MARCHF4: variants seen among roughly 807,000 people sequenced by gnomAD.
MARCHF4 encodes the protein membrane associated ring-CH-type finger 4, also known as E3 ubiquitin-protein ligase MARCHF4.
Under a neutral mutation model 43.9 loss-of-function variants are expected in MARCHF4, and 14 were observed. That is an observed-to-expected ratio of 0.32 (90% CI 0.21 to 0.50). MARCHF4 has a LOEUF of 0.50. Among genes scored for constraint, MARCHF4 ranks in the 20% least tolerant of loss-of-function variants. The pLI, the probability that MARCHF4 is intolerant of heterozygous loss-of-function variation, is 0.98. For synonymous variants in MARCHF4, 226 were observed against 213.3 expected (o/e 1.06, Z -0.52); for missense variants, 468 against 536.7 (o/e 0.87, Z 1.27).
In MARCHF4 at chr2:216,259,436, C is replaced by A. The variant is rs764441555; in HGVS notation, c.1109G>T (p.Gly370Val). ...GPAQAAGHPS[G>V]PLSHHHCAYT... ...AGCACAGTGGTGATGGGACAGAGGGCCTGAGGGGTGGCCGGCAGCCTGGGC... is the reference window on the plus strand; with the variant it reads ...AGCACAGTGGTGATGGGACAGAGGGACTGAGGGGTGGCCGGCAGCCTGGGC... Residue 370 changes from glycine (G) to valine (V), a missense_variant, in exon 4 of 4, where the codon GGC (glycine) becomes GTC (valine). This residue lies in a region of MARCHF4 where 120 missense variants were observed against 127.1 expected (regional missense o/e 0.94). Coordinates refer to ENST00000273067, the MANE Select transcript of MARCHF4 (RefSeq NM_020814.3). 2 of 1,614,044 alleles carry A rather than the reference C, an allele frequency of 1.2e-6. No individual in the cohort carries two copies. The highest frequency in any genetic ancestry group is 1.1e-5 in the South Asian group (1 of 91,058).
At chr2:216,295,250 T>G (rs1162793297) in intron 1 of MARCHF4, among the ~76,000 whole-genome samples, 1 of 151,840 alleles carries the variant, frequency 6.6e-6, no homozygotes, top group African/African-American at 2.4e-5. Context: ...AAGGTGAGGG[T>G]TTTTGTTTTT....
rs369275803 is a variant in MARCHF4 at position 216,369,837 on chromosome 2, C to G, written c.424G>C (p.Glu142Gln). ...AGTGAGTAGCGATCCTCGGTCTTCT[C>G]CTTACAGAAGTCATCTGAGGAGGCA... Reference protein sequence around the residue: ...SSASSDDFCKEKTEDRYSLGS... With the variant: ...SSASSDDFCKQKTEDRYSLGS... Residue 142 changes from glutamate (E) to glutamine (Q), a missense_variant, in exon 1 of 4, where the codon GAG becomes CAG. This residue lies in a region of MARCHF4 where 158 missense variants were observed against 251.1 expected (regional missense o/e 0.63). Coordinates refer to ENST00000273067, the MANE Select transcript of MARCHF4 (RefSeq NM_020814.3). The G allele has an allele frequency of 3.7e-6, 6 of 1,613,988 alleles. No homozygotes were observed. The highest frequency in any genetic ancestry group is 5.1e-6 in the Non-Finnish European group (6 of 1,179,956).
At chr2:216,356,210 A>G (rs1692500463) in intron 1 of MARCHF4, among the ~76,000 whole-genome samples, 1 of 152,202 alleles carries the variant, frequency 6.6e-6, no homozygotes, top group African/African-American at 2.4e-5. Context: ...TGTGCTGATG[A>G]TCCTTAACTC....
At chr2:216,354,915 C>CTTTCTTTCTTTCT (rs1692464801) in intron 1 of MARCHF4, among the ~76,000 whole-genome samples, 3 of 98,550 alleles carry the variant, frequency 3.0e-5, no homozygotes, top group Non-Finnish European at 6.1e-5. Context: ...TTCTTTCTTT[C>CTTTCTTTCTTTCT]TTTCTTTCTT....
At chr2:216,330,147 T>C (rs989355293) in intron 1 of MARCHF4, among the ~76,000 whole-genome samples, 2 of 151,948 alleles carry the variant, frequency 1.3e-5, no homozygotes, top group Non-Finnish European at 2.9e-5. Context: ...TGTGTAGCTA[T>C]ACTGATACCA....
intron 1 of MARCHF4, among the ~76,000 whole-genome samples, chr2:216,316,868 G>C (rs1239447136): frequency 1.3e-5 from 2 of 152,180 alleles, no homozygotes; most frequent in East Asian, 3.8e-4. Context: ...GGGATGAGGA[G>C]AGACTAGTCA....
At chr2:216,314,710 G>C (rs1188777617) in intron 1 of MARCHF4, among the ~76,000 whole-genome samples, 1 of 152,072 alleles carries the variant, frequency 6.6e-6, no homozygotes, top group South Asian at 2.1e-4. Context: ...CCTCCTTTAG[G>C]TTATGTAACC....
rs115984756 is a variant in MARCHF4, at chr2:216,271,604, A to G, written c.865+6068T>C. Among the ~76,000 whole-genome samples, 670 of 152,262 alleles carry G rather than the reference A, an allele frequency of 4.4e-3. 7 individuals carry two copies. The highest frequency in any genetic ancestry group is 0.016 in the African/African-American group (651 of 41,540). ...CCAACAAAAGCTACTGAAGGAATGG[A>G]TATGACCCGCTCTGACTCAAGTTCC... On this transcript the variant is annotated intron_variant, in intron 3 of 3. Transcript: ENST00000273067.
At chr2:216,302,833 G>A (rs1024243508) in intron 1 of MARCHF4, among the ~76,000 whole-genome samples, 14 of 148,880 alleles carry the variant, frequency 9.4e-5, no homozygotes, top group African/African-American at 3.3e-4. Context: ...GGGAGGTGGA[G>A]GTTGCAGTGA....
chr2:216,353,406 G>A (rs1227050881), intron 1 of MARCHF4, among the ~76,000 whole-genome samples: 2 of 152,012 alleles, frequency 1.3e-5, no homozygotes, highest in Non-Finnish European at 2.9e-5. Flanking sequence ...GAAAGGGGGT[G>A]AAAAAAGGAA....
intron 2 of MARCHF4, among the ~76,000 whole-genome samples, chr2:216,281,878 A>T (rs768608386): frequency 1.3e-5 from 2 of 152,118 alleles, no homozygotes; most frequent in Non-Finnish European, 1.5e-5. Flanking sequence ...TGCTTACCTG[A>T]CTTGGGAGAT....
intron 1 of MARCHF4, among the ~76,000 whole-genome samples, chr2:216,347,246 G>A (rs1324771420): frequency 6.6e-6 from 1 of 152,124 alleles, no homozygotes; most frequent in African/African-American, 2.4e-5. Flanking sequence ...AAAGAACGGT[G>A]GCATCATTCT....
chr2:216,333,860 T>A (rs984924906), intron 1 of MARCHF4, among the ~76,000 whole-genome samples: 6 of 151,994 alleles, frequency 3.9e-5, no homozygotes, highest in African/African-American at 1.5e-4. Context: ...CACCGTGGCG[T>A]AGAATGTGGG....
At chr2:216,285,242 G>A (rs1281266971) in intron 1 of MARCHF4, among the ~76,000 whole-genome samples, 1 of 152,204 alleles carries the variant, frequency 6.6e-6, no homozygotes, top group Non-Finnish European at 1.5e-5. Context: ...CATCCATTTT[G>A]TTAACTCTGG....
intron 1 of MARCHF4, among the ~76,000 whole-genome samples, chr2:216,299,030 C>G (rs1691441095): frequency 6.6e-6 from 1 of 152,168 alleles, no homozygotes; most frequent in Non-Finnish European, 1.5e-5. Context: ...TGTCCTTTCT[C>G]CTCATTCTCA....
At chr2:216,327,967 AAAAG>A (rs1692022419) in intron 1 of MARCHF4, among the ~76,000 whole-genome samples, 1 of 151,762 alleles carries the variant, frequency 6.6e-6, no homozygotes, top group African/African-American at 2.4e-5. Context: ...CAAAAAAAAA[AAAAG>A]AAAAGAAAAA....
intron 1 of MARCHF4, among the ~76,000 whole-genome samples, chr2:216,332,942 C>G (rs1385537069): frequency 6.6e-6 from 1 of 152,206 alleles, no homozygotes; most frequent in African/African-American, 2.4e-5. Flanking sequence ...TAAATAGTTG[C>G]TGTGTAAATT....
chr2:216,309,555 A>G (rs766942276), intron 1 of MARCHF4, among the ~76,000 whole-genome samples: 2 of 152,206 alleles, frequency 1.3e-5, no homozygotes, highest in Non-Finnish European at 2.9e-5. Context: ...GGACACAGTG[A>G]TTGGTTTAGA....
At chr2:216,283,513 T>C (rs899439793) in intron 2 of MARCHF4, 61 bp downstream of exon 2, 19 of 1,513,992 alleles carry the variant, frequency 1.3e-5, no homozygotes, top group Non-Finnish European at 1.6e-5. Flanking sequence ...AGCCTCCTGC[T>C]AAAGCAGGTG....
Sources: allele counts gnomAD v4.1 joint callset (sites outside exome capture counted in the v4.1 genomes callset), GRCh38; gene constraint gnomAD v4.1.1; regional missense constraint gnomAD v4.1.1; transcripts MANE v1.5; gene names NCBI Gene and HGNC (gene_info 2026-07-23, HGNC 2026-07-21).